Variants in WNT9B observed in about 807,000 individuals in gnomAD.
WNT9B encodes the protein Wnt family member 9B, also known as protein Wnt-9b.
WNT9B carries 12 observed loss-of-function variants against 30.2 expected under a neutral mutation model. That is an observed-to-expected ratio of 0.40 (90% CI 0.26 to 0.64). WNT9B has a LOEUF of 0.64. Ranked by LOEUF, WNT9B falls within the 30% of genes least tolerant of loss-of-function variation. WNT9B has a pLI of 0.42. For synonymous variants in WNT9B, 218 were observed against 216.9 expected (o/e 1.01, Z -0.05); for missense variants, 442 against 485.2 (o/e 0.91, Z 0.84).
chr17:46,842,220 A>C (rs182347182), intron 1 of WNT9B, among the ~76,000 whole-genome samples: 16 of 152,292 alleles, frequency 1.1e-4, no homozygotes, highest in Middle Eastern at 3.4e-3. Flanking sequence ...TTCAGGCGCA[A>C]ACTGGGTTGT....
intron 1 of WNT9B, among the ~76,000 whole-genome samples, chr17:46,869,827 C>T (rs776844025): frequency 1.3e-5 from 2 of 151,802 alleles, no homozygotes; most frequent in Non-Finnish European, 2.9e-5. Context: ...GGTGAAACCC[C>T]GTCTCTACTA....
In WNT9B at chr17:46,876,762, G is replaced by A. The variant is rs1280761541; in HGVS notation, c.*44G>A. 2.0e-6 allele frequency: 3 copies of A among 1,498,720 alleles called. No individual in the cohort carries two copies. Among genetic ancestry groups the A allele is most frequent in the Middle Eastern group, 2.1e-4 (1 of 4,838 alleles). The allele number at this position is 1,498,720 out of a possible 1,614,324, so 92.8% of individuals were successfully genotyped here. On this transcript the variant is annotated 3_prime_UTR_variant, in exon 4 of 4. Coordinates refer to ENST00000290015, the MANE Select transcript of WNT9B (RefSeq NM_003396.3). ...CAGTCTGGCACTGCCAGGACCTCCT[G>A]TGGCACCCTTCAAGCTGCCCAGCCG...
At chr17:46,866,755 G>T (rs145278925) in intron 1 of WNT9B, among the ~76,000 whole-genome samples, 5 of 152,064 alleles carry the variant, frequency 3.3e-5, no homozygotes, top group African/African-American at 1.2e-4. Context: ...GCATTACCTG[G>T]TGCCCTAGAA....
At chr17:46,835,503 G>A (rs1157413025) in intron 1 of WNT9B, among the ~76,000 whole-genome samples, 1 of 152,126 alleles carries the variant, frequency 6.6e-6, no homozygotes, top group African/African-American at 2.4e-5. Flanking sequence ...GAGCCACCAC[G>A]CCCAGCCCAG....
intron 1 of WNT9B, among the ~76,000 whole-genome samples, chr17:46,838,142 T>G (rs1004494743): frequency 3.9e-5 from 6 of 152,134 alleles, no homozygotes; most frequent in African/African-American, 1.4e-4. Context: ...AGCAAAAGCC[T>G]TCTCTGTGTC....
At chr17:46,857,234 C>T (rs575922160) in intron 1 of WNT9B, among the ~76,000 whole-genome samples, 36 of 152,078 alleles carry the variant, frequency 2.4e-4, no homozygotes, top group Admixed American at 5.9e-4. Context: ...TTTGGGAGGC[C>T]GAGACGGGCA....
At chr17:46,870,904 C>CTTTTTTTTTTTTTTT (rs144277402) in intron 1 of WNT9B, among the ~76,000 whole-genome samples, 1 of 78,388 alleles carries the variant, frequency 1.3e-5, no homozygotes, top group African/African-American at 5.0e-5. Context: ...TCCACCTTTG[C>CTTTTTTTTTTTTTTT]TTTTTTTTTT....
At chr17:46,867,851 TG>T (rs1568127078) in intron 1 of WNT9B, among the ~76,000 whole-genome samples, 1 of 151,916 alleles carries the variant, frequency 6.6e-6, no homozygotes, top group Non-Finnish European at 1.5e-5. Context: ...GTCAAGTGGT[TG>T]GGGGTGTCCT....
At chr17:46,840,233 C>G (rs1265752559) in intron 1 of WNT9B, among the ~76,000 whole-genome samples, 2 of 151,880 alleles carry the variant, frequency 1.3e-5, no homozygotes, top group African/African-American at 2.4e-5. Context: ...ACTACAGGTG[C>G]CCGACACCAC....
At chr17:46,883,389 A>T (rs1310338333), downstream of WNT9B, among the ~76,000 whole-genome samples, 1 of 149,836 alleles carries the variant, frequency 6.7e-6, no homozygotes, top group African/African-American at 2.5e-5. Flanking sequence ...GGTTCAAGTG[A>T]GTCTCCTGCC....
chr17:46,836,843 A>G (rs1409081956), intron 1 of WNT9B, among the ~76,000 whole-genome samples: 1 of 152,112 alleles, frequency 6.6e-6, no homozygotes, highest in Non-Finnish European at 1.5e-5. Flanking sequence ...AAAAAGCTAG[A>G]TGTGTGAATA....
At chr17:46,856,857 C>G (rs1031110780) in intron 1 of WNT9B, among the ~76,000 whole-genome samples, 1 of 152,184 alleles carries the variant, frequency 6.6e-6, no homozygotes, top group Non-Finnish European at 1.5e-5. Context: ...TGTGGTGACT[C>G]CAATGACTAC....
downstream of WNT9B, among the ~76,000 whole-genome samples, chr17:46,881,965 A>G (rs1384713077): frequency 6.6e-6 from 1 of 152,104 alleles, no homozygotes; most frequent in Non-Finnish European, 1.5e-5. Context: ...CCATATTCAG[A>G]CTTCCCCAAT....
At chr17:46,854,289 A>C (rs1303657234) in intron 1 of WNT9B, among the ~76,000 whole-genome samples, 1 of 152,180 alleles carries the variant, frequency 6.6e-6, no homozygotes, top group Non-Finnish European at 1.5e-5. Flanking sequence ...AGTCATCTAC[A>C]CTGTAGTGGG....
rs34586359 is a variant in WNT9B at position 46,845,485 on chromosome 17, A to ATT, written c.95+12066_95+12067dup. On this transcript the variant is annotated intron_variant, in intron 1 of 2. Coordinates refer to the WNT9B transcript ENST00000575372. ...AGGGACAATGGAGTGAGTTATCTGAATTTTTTTTTTTTTTTTTTTTTTGAG... is the reference window on the plus strand; with the variant it reads ...AGGGACAATGGAGTGAGTTATCTGAATTTTTTTTTTTTTTTTTTTTTTTTGAG... Among the ~76,000 whole-genome samples, 788 of 121,348 alleles carry ATT rather than the reference A, an allele frequency of 6.5e-3. 44 individuals carry two copies. In the South Asian group the frequency reaches 0.1, roughly 16 times the overall value. 79.6% of individuals were successfully genotyped at this position (121,348 alleles called of 152,430 possible). A position where few individuals can be genotyped will look rare whatever the true frequency, so the allele number is the denominator to read the frequency against.
intron 1 of WNT9B, among the ~76,000 whole-genome samples, chr17:46,866,365 A>C (rs1229668718): frequency 2.0e-5 from 3 of 151,446 alleles, no homozygotes; most frequent in Non-Finnish European, 4.4e-5. Flanking sequence ...TGTGTGTGTG[A>C]GTGTGTATGT....
intron 2 of WNT9B, among the ~76,000 whole-genome samples, chr17:46,872,980 G>C (rs1232895326): frequency 6.6e-6 from 1 of 152,062 alleles, no homozygotes. Flanking sequence ...CTCAGGTTTG[G>C]GGGAGCAGAG....
intron 1 of WNT9B, among the ~76,000 whole-genome samples, chr17:46,852,012 T>G (rs1253505673): frequency 6.6e-6 from 1 of 151,972 alleles, no homozygotes; most frequent in Non-Finnish European, 1.5e-5. Flanking sequence ...CCTCGGACCC[T>G]GGCCCCGTCC....
rs1461208663 is a variant in WNT9B, at chr17:46,879,698, A to C, written c.*2980A>C. ...TATTTACTGAACATCTCCATAGACC[A>C]GGCACTACGGGCTGACCTGCTCTGA... On this transcript the variant is annotated 3_prime_UTR_variant, in exon 4 of 4. Transcript: ENST00000290015. Among the ~76,000 whole-genome samples the C allele has an allele frequency of 6.6e-6, 1 of 152,240 alleles. No homozygotes were observed. Among genetic ancestry groups the C allele is most frequent in the Non-Finnish European group, 1.5e-5 (1 of 68,048 alleles).
Sources: allele counts gnomAD v4.1 joint callset (sites outside exome capture counted in the v4.1 genomes callset), GRCh38; gene constraint gnomAD v4.1.1; transcripts MANE v1.5; gene names NCBI Gene and HGNC (gene_info 2026-07-23, HGNC 2026-07-21).